EDIL3: variants seen among roughly 807,000 people sequenced by gnomAD.
EDIL3 encodes the protein EGF-like repeat and discoidin I-like domain-containing protein 3.
EDIL3 carries 37 observed loss-of-function variants against 67.4 expected under a neutral mutation model. The observed-to-expected ratio is 0.55, with a 90% CI of 0.42 to 0.72. The LOEUF is 0.72. EDIL3 is among the 30% of genes least tolerant of loss of function. The pLI is 0.00. For missense variants in EDIL3, 527 were observed against 586.3 expected (o/e 0.90, Z 1.04); for synonymous variants, 195 against 196.3 (o/e 0.99, Z 0.05).
intron 6 of EDIL3, among the ~76,000 whole-genome samples, chr5:84,081,741 C>A (rs548070039): frequency 6.6e-6 from 1 of 152,042 alleles, no homozygotes; most frequent in South Asian, 2.1e-4. Flanking sequence ...TCACCACAAA[C>A]CTGTTCAACC....
chr5:84,081,309 A>G (rs1746963673), intron 6 of EDIL3, among the ~76,000 whole-genome samples: 1 of 152,220 alleles, frequency 6.6e-6, no homozygotes, highest in Non-Finnish European at 1.5e-5. Flanking sequence ...AACTGGGGCT[A>G]CATGGTTTTG....
At chr5:84,067,920 C>A (rs148486062) in intron 6 of EDIL3, among the ~76,000 whole-genome samples, 14 of 152,278 alleles carry the variant, frequency 9.2e-5, no homozygotes, top group Non-Finnish European at 1.5e-4. Context: ...AGTGGATGGA[C>A]TCAGATATCC....
chr5:84,280,491 C>CCA (rs147505155), intron 1 of EDIL3, among the ~76,000 whole-genome samples: 92 of 151,706 alleles, frequency 6.1e-4, no homozygotes, highest in African/African-American at 2.2e-3. Context: ...TTCTTGTGAG[C>CCA]CACTATCTGT....
At chr5:84,236,485 C>T (rs1285260013) in intron 2 of EDIL3, among the ~76,000 whole-genome samples, 1 of 152,054 alleles carries the variant, frequency 6.6e-6, no homozygotes, top group Admixed American at 6.6e-5. Context: ...CCCAAACCAT[C>T]CTTGTCGACT....
At chr5:84,142,407 T>C (rs1358185185) in intron 4 of EDIL3, among the ~76,000 whole-genome samples, 2 of 151,996 alleles carry the variant, frequency 1.3e-5, no homozygotes, top group Admixed American at 6.6e-5. Flanking sequence ...AACTAATTAG[T>C]AAGTAATTAA....
In EDIL3 at chr5:84,064,802, A is replaced by G. The variant is rs1746606135; in HGVS notation, c.850T>C (p.Ser284Pro). The stretch of plus-strand genomic sequence containing the variant: ...TGAGCTTTTATGGGGGGTGTGAAAG[A>G]GTTAGCATATGGAGTGTTGTTATCA... ...NIDNNTPYAN[S>P]FTPPIKAQYV... The change falls in exon 8 of 11, where the codon TCT becomes CCT. Residue 284 changes from serine to proline, a missense_variant. Coordinates refer to ENST00000296591, the MANE Select transcript of EDIL3 (RefSeq NM_005711.5). The G allele has an allele frequency of 1.2e-6, 2 of 1,613,698 alleles. No homozygotes were observed. The highest frequency in any genetic ancestry group is 1.3e-5 in the African/African-American group (1 of 74,932).
chr5:84,330,296 A>C (rs1467735612), intron 1 of EDIL3, among the ~76,000 whole-genome samples: 1 of 152,198 alleles, frequency 6.6e-6, no homozygotes, highest in Non-Finnish European at 1.5e-5. Flanking sequence ...AGAAATGTGC[A>C]AGAGTACATC....
At chr5:84,362,243 A>G (rs1724352700) in intron 1 of EDIL3, among the ~76,000 whole-genome samples, 1 of 152,148 alleles carries the variant, frequency 6.6e-6, no homozygotes, top group Admixed American at 6.5e-5. Context: ...CAGTGTGTAA[A>G]TTCCTGGAGT....
At chr5:84,168,568 G>A (rs994631138) in intron 4 of EDIL3, among the ~76,000 whole-genome samples, 1 of 152,026 alleles carries the variant, frequency 6.6e-6, no homozygotes, top group East Asian at 1.9e-4. Context: ...AGTATATTAC[G>A]CTGCCCACAT....
At chr5:83,945,431 G>A (rs1317999192) in intron 10 of EDIL3, among the ~76,000 whole-genome samples, 2 of 151,906 alleles carry the variant, frequency 1.3e-5, no homozygotes, top group Non-Finnish European at 1.5e-5. Context: ...ATCCAATTTT[G>A]TAGCCCTGCT....
intron 9 of EDIL3, among the ~76,000 whole-genome samples, chr5:83,996,432 G>T (rs1055555658): frequency 2.0e-5 from 3 of 152,178 alleles, no homozygotes; most frequent in Non-Finnish European, 4.4e-5. Context: ...GCCAAAAAAT[G>T]CACTCACCCT....
At chr5:84,137,435 A>T (rs1748113518) in intron 4 of EDIL3, 81 bp from the exon 5 acceptor site, 12 of 1,221,608 alleles carry the variant, frequency 9.8e-6, no homozygotes, top group Admixed American at 1.9e-5. Flanking sequence ...CATTTGAAAT[A>T]CAAATGTCTT....
At chr5:84,299,522 TC>T (rs1201841905) in intron 1 of EDIL3, among the ~76,000 whole-genome samples, 2 of 152,266 alleles carry the variant, frequency 1.3e-5, no homozygotes, top group Middle Eastern at 3.4e-3. Flanking sequence ...TTACCTTTTT[TC>T]CCCCTATAAT....
chr5:84,257,980 G>A (rs562704466), intron 1 of EDIL3, among the ~76,000 whole-genome samples: 3 of 152,206 alleles, frequency 2.0e-5, no homozygotes, highest in African/African-American at 2.4e-5. Context: ...ATTAAACTGT[G>A]GTCTACCATG....
chr5:84,301,152 C>G (rs1049352809), intron 1 of EDIL3, among the ~76,000 whole-genome samples: 25 of 151,876 alleles, frequency 1.6e-4, no homozygotes, highest in African/African-American at 5.8e-4. Flanking sequence ...CCTGTAATCC[C>G]GGCTACTCGG....
intron 1 of EDIL3, among the ~76,000 whole-genome samples, chr5:84,301,965 C>T (rs937750346): frequency 6.6e-6 from 1 of 152,144 alleles, no homozygotes; most frequent in African/African-American, 2.4e-5. Context: ...AACTTAAAAT[C>T]TATCTTGTGC....
intron 1 of EDIL3, among the ~76,000 whole-genome samples, chr5:84,283,576 T>C (rs1384015706): frequency 6.6e-6 from 1 of 152,178 alleles, no homozygotes; most frequent in Non-Finnish European, 1.5e-5. Flanking sequence ...TCTCAATTAT[T>C]TAGAACAGCA....
At chr5:84,153,956 GGCTACACTAA>G (rs954174708) in intron 4 of EDIL3, among the ~76,000 whole-genome samples, 5 of 152,054 alleles carry the variant, frequency 3.3e-5, no homozygotes, top group African/African-American at 1.2e-4. Flanking sequence ...ATCTAGAGTG[GGCTACACTAA>G]GCTCTACTTT....
chr5:84,303,808 CTGTG>C (rs199605264), intron 1 of EDIL3, among the ~76,000 whole-genome samples: 1,727 of 135,260 alleles, frequency 0.013, 15 homozygotes, highest in East Asian at 0.034. Flanking sequence ...CTCTCTCTCT[CTGTG>C]TGTGTGTGTG....
Sources: allele counts gnomAD v4.1 joint callset (sites outside exome capture counted in the v4.1 genomes callset), GRCh38; gene constraint gnomAD v4.1.1; transcripts MANE v1.5; gene names NCBI Gene and HGNC (gene_info 2026-07-23, HGNC 2026-07-21).